SMAP1: variants seen among roughly 807,000 people sequenced by gnomAD.
The protein encoded by SMAP1 is small ArfGAP 1.
SMAP1 carries 24 observed loss-of-function variants against 58.5 expected under a neutral mutation model. The observed-to-expected ratio is 0.41, with a 90% CI of 0.30 to 0.58. SMAP1 has a LOEUF of 0.58. Ranked by LOEUF, SMAP1 falls within the 20% of genes least tolerant of loss-of-function variation. The pLI is 0.29. For synonymous variants in SMAP1, 216 were observed against 196.6 expected (o/e 1.10, Z -0.82); for missense variants, 563 against 566.3 (o/e 0.99, Z 0.06).
chr6:70,701,198 A>G (rs1377585005), intron 1 of SMAP1, among the ~76,000 whole-genome samples: 1 of 152,050 alleles, frequency 6.6e-6, no homozygotes, highest in Non-Finnish European at 1.5e-5. Flanking sequence ...CTTCTACCTC[A>G]GCCTTCCTAG....
intron 8 of SMAP1, among the ~76,000 whole-genome samples, chr6:70,854,202 T>C (rs762581009): frequency 1.3e-5 from 2 of 152,218 alleles, no homozygotes; most frequent in Admixed American, 6.5e-5. Context: ...TAAAATCATA[T>C]CTAATACTTC....
intron 1 of SMAP1, among the ~76,000 whole-genome samples, chr6:70,685,805 A>G (rs924347091): frequency 1.3e-5 from 2 of 152,212 alleles, no homozygotes; most frequent in African/African-American, 2.4e-5. Flanking sequence ...TAGAGAGGCA[A>G]TGGGATGAAG....
At chr6:70,808,679 G>GGGAC (rs1221889387) in intron 6 of SMAP1, among the ~76,000 whole-genome samples, 1 of 152,162 alleles carries the variant, frequency 6.6e-6, no homozygotes, top group Non-Finnish European at 1.5e-5. Flanking sequence ...ATTGAACATA[G>GGGAC]GGACTGATTC....
intron 1 of SMAP1, among the ~76,000 whole-genome samples, chr6:70,715,966 T>C (rs796136016): frequency 4.6e-5 from 7 of 152,330 alleles, no homozygotes; most frequent in Admixed American, 2.0e-4. Context: ...CTCCCACTTA[T>C]GAGTGAGAAC....
rs1464496082 is a variant in SMAP1 at position 70,757,325 on chromosome 6, G to C, written c.338+2260G>C. ...AAAACTGGCTAGCCATATGTAGAAA[G>C]CTGAAACTGGATCCCTTCCTTACAC... On this transcript the variant is annotated intron_variant, in intron 3 of 10. Transcript: ENST00000370455. Among the ~76,000 whole-genome samples, 32 of 150,638 alleles carry C rather than the reference G, an allele frequency of 2.1e-4. No individual in the cohort carries two copies. The South Asian group carries it at 6.7e-3, about 32-fold the overall frequency.
intron 7 of SMAP1, among the ~76,000 whole-genome samples, chr6:70,851,378 T>C (rs183676129): frequency 1.3e-5 from 2 of 152,338 alleles, no homozygotes; most frequent in African/African-American, 2.4e-5. Context: ...AGATCCTCCA[T>C]TGAATTTGTC....
intron 2 of SMAP1, among the ~76,000 whole-genome samples, chr6:70,749,099 A>G (rs927505662): frequency 6.6e-6 from 1 of 152,152 alleles, no homozygotes; most frequent in African/African-American, 2.4e-5. Context: ...TCGGTTCCTC[A>G]TGGCTGGGAG....
At chr6:70,753,910 C>T (rs554028038) in intron 2 of SMAP1, among the ~76,000 whole-genome samples, 4 of 151,748 alleles carry the variant, frequency 2.6e-5, no homozygotes, top group African/African-American at 9.7e-5. Flanking sequence ...AGAATAGATA[C>T]CTAGAGGTGA....
At chr6:70,805,952 A>T (rs1769109063) in intron 6 of SMAP1, among the ~76,000 whole-genome samples, 1 of 152,186 alleles carries the variant, frequency 6.6e-6, no homozygotes, top group South Asian at 2.1e-4. Context: ...CAGTTAGGCT[A>T]CACGGGGGTC....
chr6:70,858,644 G>A (rs1236459736), intron 10 of SMAP1: 2 of 155,202 alleles, frequency 1.3e-5, no homozygotes, highest in African/African-American at 4.8e-5. Context: ...ATAATTTTAG[G>A]ATCTTTTATT....
At chr6:70,721,990 C>A (rs900677954) in intron 1 of SMAP1, among the ~76,000 whole-genome samples, 2 of 152,140 alleles carry the variant, frequency 1.3e-5, no homozygotes, top group Non-Finnish European at 2.9e-5. Context: ...CATATCATCT[C>A]CTAATAACAA....
intron 6 of SMAP1, among the ~76,000 whole-genome samples, chr6:70,824,388 A>C (rs1770024659): frequency 6.6e-6 from 1 of 152,166 alleles, no homozygotes; most frequent in African/African-American, 2.4e-5. Flanking sequence ...GCCCAGTGCA[A>C]AATGAAAATT....
intron 1 of SMAP1, among the ~76,000 whole-genome samples, chr6:70,670,236 C>T (rs1766207803): frequency 6.6e-6 from 1 of 152,116 alleles, no homozygotes; most frequent in Non-Finnish European, 1.5e-5. Context: ...AGGGCATGAA[C>T]TCCACAGTAT....
chr6:70,749,938 G>A (rs997641131), intron 2 of SMAP1, among the ~76,000 whole-genome samples: 2 of 152,146 alleles, frequency 1.3e-5, no homozygotes, highest in Non-Finnish European at 2.9e-5. Context: ...AGAGACCTCT[G>A]GTTTCCAAGA....
intron 4 of SMAP1, among the ~76,000 whole-genome samples, chr6:70,776,033 TA>T (rs1451040858): frequency 6.6e-6 from 1 of 152,140 alleles, no homozygotes; most frequent in East Asian, 1.9e-4. Context: ...CCTAGGATAC[TA>T]AAACAAAGAG....
intron 7 of SMAP1, among the ~76,000 whole-genome samples, chr6:70,838,835 T>C (rs1770699213): frequency 6.6e-6 from 1 of 152,158 alleles, no homozygotes; most frequent in Admixed American, 6.6e-5. Context: ...AAAGAAATAA[T>C]CTGACTTTTG....
chr6:70,821,955 T>C (rs1052116139), intron 6 of SMAP1, among the ~76,000 whole-genome samples: 8 of 152,198 alleles, frequency 5.3e-5, no homozygotes, highest in African/African-American at 1.9e-4. Context: ...CATTTGAAGC[T>C]TTATTGCAAG....
chr6:70,786,946 CTACTT>C (rs1020136725), intron 4 of SMAP1, among the ~76,000 whole-genome samples: 63 of 152,270 alleles, frequency 4.1e-4, no homozygotes, highest in African/African-American at 1.4e-3. Context: ...TTGGAAAAAA[CTACTT>C]TAAAGTTCAT....
chr6:70,683,721 T>A (rs1385679981), intron 1 of SMAP1, among the ~76,000 whole-genome samples: 2 of 152,210 alleles, frequency 1.3e-5, no homozygotes, highest in African/African-American at 2.4e-5. Context: ...CAGTTTCAGA[T>A]CTATATCTAT....
Sources: gnomAD v4.1 joint callset for allele counts (sites outside exome capture counted in the v4.1 genomes callset) on GRCh38, gnomAD v4.1.1 for gene constraint, MANE v1.5 for transcripts, NCBI Gene and HGNC (gene_info 2026-07-23, HGNC 2026-07-21) for gene names.